RPL18: variants seen among roughly 807,000 people sequenced by gnomAD.
RPL18 encodes the protein large ribosomal subunit protein eL18.
Under a neutral mutation model 25.0 loss-of-function variants are expected in RPL18, and 4 were observed. The observed-to-expected ratio is 0.16, with a 90% confidence interval of 0.08 to 0.37. The LOEUF is 0.37. Ranked by LOEUF, RPL18 falls within the 10% of genes least tolerant of loss-of-function variation. The pLI is 1.00. For synonymous variants in RPL18, 129 were observed against 101.6 expected (o/e 1.27, Z -1.62); for missense variants, 179 against 267.9 (o/e 0.67, Z 2.32).
At chr19:48,618,845 G>A (rs1331338705) in intron 1 of RPL18, 1 of 517,802 alleles carries the variant, frequency 1.9e-6, no homozygotes, top group East Asian at 3.3e-5. Flanking sequence ...AAATAACTAA[G>A]AGTGGCTGCG....
At chr19:48,618,805 G>A (rs528328518) in intron 1 of RPL18, 1 of 362,570 alleles carries the variant, frequency 2.8e-6, no homozygotes, top group East Asian at 5.0e-5. Flanking sequence ...ATACTAGAAA[G>A]TGACAGGTCC....
Position 48,616,067 on chromosome 19 carries a change from C to T in RPL18, c.421+12G>A, listed in dbSNP as rs1443528985. 8.7e-6 allele frequency: 14 copies of T among 1,614,140 alleles called. No homozygotes were observed. The highest frequency in any genetic ancestry group is 1.2e-5 in the Non-Finnish European group (14 of 1,180,004). On this transcript the variant is annotated intron_variant, in intron 5 of 6. Coordinates refer to ENST00000549920, the MANE Select transcript of RPL18 (RefSeq NM_000979.4). ...CAGCTCAGTCCAAACCCGTCGACCACGTATCACTCACCGGAGAGCAGGACA... is the reference window on the plus strand; with the variant it reads ...CAGCTCAGTCCAAACCCGTCGACCATGTATCACTCACCGGAGAGCAGGACA...
chr19:48,617,870 T>C lies in RPL18; in HGVS notation c.11A>G (p.Asp4Gly). The part of the protein sequence containing the change: MGV[D>G]IRHNKDRKVR... The stretch of plus-strand genomic sequence containing the variant: ...CTTTCGGTCCTTGTTATGGCGGATG[T>C]CCACTCCCTGTGGGGGTGAAGAGGC... Residue 4 changes from aspartate (D) to glycine (G), a missense_variant, in exon 2 of 7, where the codon GAC (aspartate) becomes GGC (glycine). By Grantham distance (94) the Asp-to-Gly change is moderately conservative. Coordinates refer to ENST00000549920, the MANE Select transcript of RPL18 (RefSeq NM_000979.4). The C allele has an allele frequency of 6.2e-7, 1 of 1,613,844 alleles. No individual in the cohort carries two copies. The highest frequency in any genetic ancestry group is 8.5e-7 in the Non-Finnish European group (1 of 1,179,734).
At chr19:48,618,721 G>A in intron 1 of RPL18, 1 of 238,518 alleles carries the variant, frequency 4.2e-6, no homozygotes, top group Non-Finnish European at 8.4e-6. Context: ...TCAGAGACCT[G>A]CCTGGTCCCC....
At chr19:48,618,904 G>A in intron 1 of RPL18, 3 of 561,642 alleles carry the variant, frequency 5.3e-6, no homozygotes, top group Non-Finnish European at 9.4e-6. Context: ...TCCTGGCTTT[G>A]TAAACCCAGT....
Position 48,617,776 on chromosome 19 carries a change from A to T in RPL18, c.90+15T>A. 2 of 1,608,972 alleles carry T rather than the reference A, an allele frequency of 1.2e-6. No individual in the cohort carries two copies. On this transcript the variant is annotated intron_variant, in intron 2 of 6. Coordinates refer to ENST00000549920, the MANE Select transcript of RPL18 (RefSeq NM_000979.4). ...TGGGGTGACCCTTCCCAAAGACCTCAGGGCCCAGCCTCACCTTGACCAACA... is the reference window on the plus strand; with the variant it reads ...TGGGGTGACCCTTCCCAAAGACCTCTGGGCCCAGCCTCACCTTGACCAACA...
chr19:48,616,271 C>G (rs1162228939), intron 4 of RPL18, 69 bp from the exon 5 acceptor site: 1 of 1,589,176 alleles, frequency 6.3e-7, no homozygotes, highest in African/African-American at 1.3e-5. Flanking sequence ...AGGACTCACC[C>G]TCCACTGCCT....
rs143184670 is a variant in RPL18, at chr19:48,618,819, T to C, written c.3+322A>G. The C allele has an allele frequency of 2.0e-3, 866 of 441,856 alleles. 2 individuals are homozygous for C. The highest frequency in any genetic ancestry group is 3.6e-3 in the Middle Eastern group (6 of 1,674). 27.4% of individuals were successfully genotyped at this position (441,856 alleles called of 1,614,324 possible). On this transcript the variant is annotated intron_variant, in intron 1 of 6. Transcript: ENST00000549920. ...CATACTAGAAAGTGACAGGTCCAGA[T>C]AAAGGCAGCAAAGCCAAATAACTAA...
At chr19:48,615,975 G>C (rs1431144729) in intron 5 of RPL18, 29 bp from the exon 6 acceptor site, 22 of 1,613,712 alleles carry the variant, frequency 1.4e-5, no homozygotes, top group East Asian at 2.2e-5. Flanking sequence ...AACCGGGTGA[G>C]ACAGGGATCT....
intron 1 of RPL18, 47 bp from the exon 2 acceptor site, chr19:48,617,924 A>T: frequency 7.3e-7 from 1 of 1,374,686 alleles, no homozygotes; most frequent in Non-Finnish European, 1.0e-6. Context: ...CCCCAACCAT[A>T]GCCAATTATT....
intron 6 of RPL18, 57 bp from the exon 7 acceptor site, chr19:48,615,504 T>G: frequency 7.7e-7 from 1 of 1,299,744 alleles, no homozygotes; most frequent in Non-Finnish European, 1.1e-6. Context: ...CATTGTGGAG[T>G]GGCACAGGAA....
intron 3 of RPL18, 148 bp downstream of exon 3, chr19:48,617,168 C>T (rs1430712972): frequency 1.3e-6 from 1 of 778,252 alleles, no homozygotes; most frequent in Non-Finnish European, 2.3e-6. Context: ...TCAGTTCCAA[C>T]CAACAGTCCA....
At chr19:48,615,619 C>T in intron 6 of RPL18, 172 bp from the exon 7 acceptor site, 1 of 664,866 alleles carries the variant, frequency 1.5e-6, no homozygotes, top group Non-Finnish European at 2.6e-6. Flanking sequence ...AGCACCTGCC[C>T]CACCACCTGG....
intron 4 of RPL18, 53 bp from the exon 5 acceptor site, chr19:48,616,255 G>A: frequency 1.2e-6 from 2 of 1,603,128 alleles, no homozygotes; most frequent in Non-Finnish European, 1.7e-6. Context: ...TCACCCAGGG[G>A]CTGCCAGGAC....
chr19:48,617,474 G>T, intron 2 of RPL18, 51 bp from the exon 3 acceptor site: 1 of 1,349,466 alleles, frequency 7.4e-7, no homozygotes, highest in Non-Finnish European at 1.1e-6. Flanking sequence ...CTCCCCCGCA[G>T]CCTTCCAGTG....
intron 6 of RPL18, 90 bp downstream of exon 6, chr19:48,615,787 G>A (rs77224572): frequency 3.1e-5 from 36 of 1,172,528 alleles, no homozygotes; most frequent in Middle Eastern, 2.7e-4. Context: ...TGGCTGGTAC[G>A]AGGGATAGGA....
intron 6 of RPL18, 135 bp downstream of exon 6, chr19:48,615,742 G>T: frequency 1.3e-6 from 1 of 788,238 alleles, no homozygotes; most frequent in Non-Finnish European, 2.1e-6. Flanking sequence ...AAGCAGGCAG[G>T]ATGAGGCAGC....
At chr19:48,617,507 T>G in intron 2 of RPL18, 84 bp from the exon 3 acceptor site, 4 of 1,016,482 alleles carry the variant, frequency 3.9e-6, no homozygotes, top group Non-Finnish European at 6.1e-6. Context: ...CATGATGATC[T>G]GGACTAAAAT....
In RPL18 at chr19:48,619,156, T is replaced by G. The variant is rs745908541; in HGVS notation, c.-13A>C. On this transcript the variant is annotated 5_prime_UTR_variant, in exon 1 of 7. Coordinates refer to ENST00000549920, the MANE Select transcript of RPL18 (RefSeq NM_000979.4). Reference sequence around the variant, plus strand: ...GCGAGCTCACCATGATGGCGCCTCCTGCTCGGCCAGGTCCGGAAAGAGAGA... The same window carrying G: ...GCGAGCTCACCATGATGGCGCCTCCGGCTCGGCCAGGTCCGGAAAGAGAGA... 2 of 1,175,168 alleles carry G rather than the reference T, an allele frequency of 1.7e-6. No individual in the cohort carries two copies. Among genetic ancestry groups the G allele is most frequent in the Non-Finnish European group, 1.2e-6 (1 of 856,728 alleles). 72.8% of individuals were successfully genotyped at this position (1,175,168 alleles called of 1,614,324 possible).
Sources: allele counts gnomAD v4.1 joint callset, GRCh38; gene constraint gnomAD v4.1.1; transcripts MANE v1.5; gene names NCBI Gene and HGNC (gene_info 2026-07-23, HGNC 2026-07-21).